The following CELSR1 variants were observed in gnomAD, a reference collection of about 807,000 sequenced individuals.
The protein encoded by CELSR1 is cadherin EGF LAG seven-pass G-type receptor 1.
In CELSR1, 110 loss-of-function variants were observed where a neutral mutation model predicts 249.1. The ratio of observed to expected loss-of-function variants is 0.44; its 90% CI spans 0.38 to 0.52. CELSR1 has a LOEUF of 0.52. Ranked by LOEUF, CELSR1 falls within the 20% of genes least tolerant of loss-of-function variation. The pLI is 0.00. For missense variants in CELSR1, 4,109 were observed against 4,296.4 expected (o/e 0.96, Z 1.22); for synonymous variants, 2,113 against 1,900.0 (o/e 1.11, Z -2.92).
chr22:46,510,323 A>G (rs929808297), intron 1 of CELSR1, among the ~76,000 whole-genome samples: 21 of 152,114 alleles, frequency 1.4e-4, no homozygotes, highest in Non-Finnish European at 5.9e-5. Context: ...CCTGAGCCAC[A>G]GAGGCTGGAA....
In CELSR1 at chr22:46,390,386, C is replaced by T. The variant is rs749186755; in HGVS notation, c.6345+6G>A. The T allele has an allele frequency of 3.0e-5, 49 of 1,610,584 alleles. No individual in the cohort carries two copies. Among genetic ancestry groups the T allele is most frequent in the African/African-American group, 5.4e-5 (4 of 74,766 alleles). ...TGCTGAACACACATCCCCGAGGCGC[C>T]CCTACCATGGCCCTGAGGTCCACGA... On this transcript the variant is annotated splice_donor_region_variant and intron_variant, in intron 17 of 34. Coordinates refer to ENST00000674500, the MANE Select transcript of CELSR1 (RefSeq NM_001378328.1). This position sits in a 1 kb window ranked among gnomAD's most constrained non-coding sequence, Gnocchi z 6.3.
At chr22:46,394,095 T>G in intron 14 of CELSR1, 47 bp downstream of exon 14, 1 of 1,594,790 alleles carries the variant, frequency 6.3e-7, no homozygotes, top group South Asian at 1.1e-5. Flanking sequence ...GCTGTGCATG[T>G]GTGTGAGCAA....
intron 2 of CELSR1, among the ~76,000 whole-genome samples, chr22:46,443,509 T>C (rs1193960658): frequency 6.6e-6 from 1 of 152,144 alleles, no homozygotes; most frequent in Non-Finnish European, 1.5e-5. Context: ...GCTATGGGGG[T>C]CAGCCCACCA....
Position 46,417,748 on chromosome 22 carries a change from T to C in CELSR1, c.4612-5989A>G, listed in dbSNP as rs1321593768. 2.0e-5 allele frequency among the ~76,000 whole-genome samples: 3 copies of C among 152,222 alleles called. No homozygotes were observed. The highest frequency in any genetic ancestry group is 6.5e-5 in the Admixed American group (1 of 15,286). On this transcript the variant is annotated intron_variant, in intron 5 of 34. Transcript: ENST00000674500. This position sits in a 1 kb window ranked among gnomAD's most constrained non-coding sequence, Gnocchi z 4.1. Reference sequence around the variant, plus strand: ...CTCTTCTAGAAAGGGGGTAAGTGCATAGCTGCTATCTCTAGGGCTGTTTGG... The same window carrying C: ...CTCTTCTAGAAAGGGGGTAAGTGCACAGCTGCTATCTCTAGGGCTGTTTGG...
intron 30 of CELSR1, 55 bp from the exon 31 acceptor site, chr22:46,365,744 C>A: frequency 7.2e-7 from 1 of 1,388,754 alleles, no homozygotes; most frequent in South Asian, 1.3e-5. Flanking sequence ...ACAGGAGGTG[C>A]TGGAAAGTTC....
chr22:46,368,015 C>T lies in CELSR1; in HGVS notation c.7953-160G>A, dbSNP rs570048223. Among the ~76,000 whole-genome samples the T allele has an allele frequency of 4.6e-5, 7 of 152,336 alleles. No homozygotes were observed. In the South Asian group the frequency reaches 1.0e-3, roughly 23 times the overall value. Reference sequence around the variant, plus strand: ...ATCATCCACCTTGCTCCCTTCCTCCCCTCGTAGCCAGGTACGGACTCATCC... The same window carrying T: ...ATCATCCACCTTGCTCCCTTCCTCCTCTCGTAGCCAGGTACGGACTCATCC... On this transcript the variant is annotated intron_variant, in intron 27 of 34. Transcript: ENST00000674500.
rs1475898541 is a variant in CELSR1 at position 46,490,643 on chromosome 22, C to G, written c.3545-26298G>C. Among the ~76,000 whole-genome samples the G allele has an allele frequency of 6.6e-6, 1 of 151,958 alleles. No individual in the cohort carries two copies. Among genetic ancestry groups the G allele is most frequent in the African/African-American group, 2.4e-5 (1 of 41,360 alleles). On this transcript the variant is annotated intron_variant, in intron 1 of 34. Coordinates refer to ENST00000674500, the MANE Select transcript of CELSR1 (RefSeq NM_001378328.1). The surrounding 1 kb of genome is among the most constrained non-coding windows in gnomAD (Gnocchi z 5.2). ...TGAGCGTCGTGGAGCCTCCCTCAGG[C>G]ATGGCTGTGAGCGCCACAGCTGCAG...
rs80253568 is a variant in CELSR1 at position 46,487,324 on chromosome 22, C to A, written c.3545-22979G>T. Reference sequence around the variant, plus strand: ...AATTAAAAACTATTTGGTATAATATCTTTTTAAAGATTCTAATCTGCAACC... The same window carrying A: ...AATTAAAAACTATTTGGTATAATATATTTTTAAAGATTCTAATCTGCAACC... On this transcript the variant is annotated intron_variant, in intron 1 of 34. Coordinates refer to ENST00000674500, the MANE Select transcript of CELSR1 (RefSeq NM_001378328.1). 8.7e-3 allele frequency among the ~76,000 whole-genome samples: 1,314 copies of A among 151,424 alleles called. 9 individuals are homozygous for A. Among genetic ancestry groups the A allele is most frequent in the Non-Finnish European group, 0.013 (875 of 67,914 alleles).
At chr22:46,461,312 G>C (rs1358815599) in intron 2 of CELSR1, among the ~76,000 whole-genome samples, 6 of 152,216 alleles carry the variant, frequency 3.9e-5, no homozygotes, top group African/African-American at 1.4e-4. Flanking sequence ...GGTGATGACA[G>C]ACTTGGCCGT....
intron 29 of CELSR1, 101 bp from the exon 30 acceptor site, chr22:46,366,581 C>G (rs1380497415): frequency 1.1e-6 from 1 of 940,504 alleles, no homozygotes; most frequent in African/African-American, 1.6e-5. Flanking sequence ...ACACCCACAC[C>G]CTGGCTGGGC....
rs572808091 is a variant in CELSR1 at position 46,391,097 on chromosome 22, G to T, written c.6250+89C>A. The T allele has an allele frequency of 1.8e-6, 2 of 1,086,920 alleles. No individual in the cohort carries two copies. The highest frequency in any genetic ancestry group is 2.4e-5 in the East Asian group (1 of 41,268). 67.3% of individuals were successfully genotyped at this position (1,086,920 alleles called of 1,614,324 possible). ...TTGCCTGCGGATATTTTTTCAACAC[G>T]AAACATTCCATGAGTCCCCACATCT... On this transcript the variant is annotated intron_variant, in intron 16 of 34. Transcript: ENST00000674500. The surrounding 1 kb of genome is among the most constrained non-coding windows in gnomAD (Gnocchi z 4.3).
At position 46,536,706 on chromosome 22, in the gene CELSR1, G is replaced by A. The variant is rs1296943003; in HGVS notation, c.465C>T (p.Ala155=). Residue 155 remains alanine, a synonymous_variant, in exon 1 of 35, where the codon GCC becomes GCT. Coordinates refer to ENST00000674500, the MANE Select transcript of CELSR1 (RefSeq NM_001378328.1). Reference sequence around the variant, plus strand: ...GCCTGGGGCGCGGCGGGCAGCGGCAGGCGGGTAAGGTGGTCGGAGCTGCGA... The same window carrying A: ...GCCTGGGGCGCGGCGGGCAGCGGCAAGCGGGTAAGGTGGTCGGAGCTGCGA... ...SALAAPTTLP[A]CRCPPRPRPR... 1.6e-5 allele frequency: 19 copies of A among 1,174,450 alleles called. No homozygotes were observed. Among genetic ancestry groups the A allele is most frequent in the Admixed American group, 9.4e-5 (2 of 21,294 alleles). 72.8% of individuals were successfully genotyped at this position (1,174,450 alleles called of 1,614,324 possible). A position where few individuals can be genotyped will look rare whatever the true frequency, so the allele number is the denominator to read the frequency against.
intron 5 of CELSR1, among the ~76,000 whole-genome samples, chr22:46,418,535 G>C (rs2079429420): frequency 6.6e-6 from 1 of 152,118 alleles, no homozygotes; most frequent in African/African-American, 2.4e-5. Context: ...AAATCATAAA[G>C]TTGATTTTTA....
rs1383835735 is a variant in CELSR1 at position 46,484,804 on chromosome 22, T to C, written c.3545-20459A>G. 2.0e-5 allele frequency among the ~76,000 whole-genome samples: 3 copies of C among 147,460 alleles called. No homozygotes were observed. Among genetic ancestry groups the C allele is most frequent in the South Asian group, 5.1e-4 (2 of 3,886 alleles). ...CCCACCTCCAGGAACAAGGATATCA[T>C]CCTTGTTACTTCCAGGGACGCCTCC... On this transcript the variant is annotated intron_variant, in intron 1 of 34. Coordinates refer to ENST00000674500, the MANE Select transcript of CELSR1 (RefSeq NM_001378328.1). This position sits in a 1 kb window ranked among gnomAD's most constrained non-coding sequence, Gnocchi z 4.5.
intron 2 of CELSR1, among the ~76,000 whole-genome samples, chr22:46,457,219 C>T (rs2079966233): frequency 6.6e-6 from 1 of 152,152 alleles, no homozygotes; most frequent in South Asian, 2.1e-4. Flanking sequence ...GTGGTGCATG[C>T]CTGTAATCCC....
Position 46,484,240 on chromosome 22 carries a change from G to C in CELSR1, c.3545-19895C>G, listed in dbSNP as rs1004526740. Among the ~76,000 whole-genome samples the C allele has an allele frequency of 6.6e-6, 1 of 152,174 alleles. No homozygotes were observed. Among genetic ancestry groups the C allele is most frequent in the African/African-American group, 2.4e-5 (1 of 41,458 alleles). On this transcript the variant is annotated intron_variant, in intron 1 of 34. Coordinates refer to ENST00000674500, the MANE Select transcript of CELSR1 (RefSeq NM_001378328.1). This position sits in a 1 kb window ranked among gnomAD's most constrained non-coding sequence, Gnocchi z 4.5. ...GGCACCAGTAAACCTGGCATCCACA[G>C]GGCCCACCAGCCCCAGCTGCTCAGT...
intron 1 of CELSR1, among the ~76,000 whole-genome samples, chr22:46,474,933 A>G (rs1419883647): frequency 1.3e-5 from 2 of 152,070 alleles, no homozygotes; most frequent in African/African-American, 4.8e-5. Context: ...ATGGCCAAGC[A>G]CAAATCAAAT....
At chr22:46,369,489 G>A (rs761203645) in intron 26 of CELSR1, among the ~76,000 whole-genome samples, 3 of 152,208 alleles carry the variant, frequency 2.0e-5, no homozygotes, top group Non-Finnish European at 4.4e-5. Flanking sequence ...ATGGTCTCAT[G>A]CGGACACGAC....
chr22:46,453,331 C>T (rs897904317), intron 2 of CELSR1, among the ~76,000 whole-genome samples: 1 of 152,170 alleles, frequency 6.6e-6, no homozygotes, highest in Non-Finnish European at 1.5e-5. Context: ...AAAGGCTGCT[C>T]AGCACCCCAA....
Sources: gnomAD v4.1 joint callset for allele counts (sites outside exome capture counted in the v4.1 genomes callset) on GRCh38, gnomAD v4.1.1 for gene constraint, Gnocchi (gnomAD v3.1) non-coding constraint, MANE v1.5 for transcripts, NCBI Gene and HGNC (gene_info 2026-07-23, HGNC 2026-07-21) for gene names.